The following DMD variants were observed in gnomAD, a reference collection of about 807,000 sequenced individuals.
DMD encodes dystrophin, also known as mutant dystrophin.
In DMD, 63 loss-of-function variants were observed where a neutral mutation model predicts 330.1. The observed-to-expected ratio is 0.19, with a 90% CI of 0.16 to 0.24. The LOEUF (loss-of-function observed/expected upper bound fraction) is 0.24, where lower values mean the gene tolerates loss of function less well. DMD is among the 10% of genes least tolerant of loss of function. The pLI is 1.00. For synonymous variants in DMD, 1,223 were observed against 959.8 expected, an observed-to-expected ratio of 1.27 and a Z score of -5.07; for missense variants, 3,344 against 2,684.1, an observed-to-expected ratio of 1.25 and a Z score of -5.43.
chrX:32,065,413 T>C (rs2147728185), intron 44 of DMD, among the ~76,000 whole-genome samples: 1 of 111,802 alleles, frequency 8.9e-6, no homozygotes, highest in South Asian at 3.7e-4. Flanking sequence ...TTGAAACTAG[T>C]TCAAGTCTAC....
At chrX:32,877,515 G>A (rs1045307818) in intron 2 of DMD, among the ~76,000 whole-genome samples, 1 of 112,050 alleles carries the variant, frequency 8.9e-6, no homozygotes, top group Admixed American at 9.4e-5. Flanking sequence ...TTGGGTCCAC[G>A]TAATCTTCTG....
intron 53 of DMD, among the ~76,000 whole-genome samples, chrX:31,659,678 T>G (rs1383134194): frequency 1.2e-5 from 1 of 81,897 alleles, no homozygotes; most frequent in Non-Finnish European, 2.4e-5. Context: ...AGAGAAACAA[T>G]GTCGATGTTT....
intron 59 of DMD, among the ~76,000 whole-genome samples, chrX:31,469,596 C>T (rs964095615): frequency 1.8e-5 from 2 of 111,708 alleles, no homozygotes; most frequent in African/African-American, 3.3e-5. Context: ...TCTGGCTGCC[C>T]TTAACATTTT....
At chrX:33,136,084 G>A (rs766925087) in intron 1 of DMD, among the ~76,000 whole-genome samples, 1 of 110,729 alleles carries the variant, frequency 9.0e-6, no homozygotes, top group South Asian at 3.8e-4. Context: ...GAAGGCCAAG[G>A]CCAGAGGGGT....
At chrX:32,949,747 A>G (rs776008865) in intron 2 of DMD, among the ~76,000 whole-genome samples, 2 of 111,695 alleles carry the variant, frequency 1.8e-5, no homozygotes, top group East Asian at 5.6e-4. Context: ...ATGTATTCTT[A>G]ACAAGCTTTG....
At chrX:31,320,125 G>GT (rs770787542) in intron 62 of DMD, among the ~76,000 whole-genome samples, 128 of 112,323 alleles carry the variant, frequency 1.1e-3, no homozygotes, top group Middle Eastern at 4.6e-3. Flanking sequence ...TATGAAAACT[G>GT]TAACAATGAT....
intron 22 of DMD, among the ~76,000 whole-genome samples, chrX:32,470,187 T>C (rs2040474478): frequency 9.0e-6 from 1 of 111,020 alleles, no homozygotes; most frequent in Admixed American, 9.7e-5. Flanking sequence ...TATTCATATA[T>C]GTCTCTTTTT....
At chrX:32,763,422 C>T (rs1003384028) in intron 7 of DMD, among the ~76,000 whole-genome samples, 29 of 111,486 alleles carry the variant, frequency 2.6e-4, no homozygotes, top group African/African-American at 9.5e-4. Context: ...TAATGTATCA[C>T]GATAAACTGT....
intron 60 of DMD, among the ~76,000 whole-genome samples, chrX:31,357,279 A>C (rs1250519276): frequency 9.1e-6 from 1 of 110,323 alleles, no homozygotes; most frequent in Non-Finnish European, 1.9e-5. Flanking sequence ...TAATTACATA[A>C]TTATGCCTCC....
intron 51 of DMD, among the ~76,000 whole-genome samples, chrX:31,751,128 C>G (rs901694708): frequency 1.9e-5 from 2 of 107,616 alleles, no homozygotes; most frequent in African/African-American, 3.4e-5. Context: ...ACTTTCTTCA[C>G]AGAATTGGAA....
intron 34 of DMD, among the ~76,000 whole-genome samples, chrX:32,368,739 C>A (rs903185564): frequency 9.0e-6 from 1 of 111,509 alleles, no homozygotes; most frequent in East Asian, 2.8e-4. Flanking sequence ...GGCATTTCCT[C>A]CTTTTCAAAA....
chrX:32,143,904 CT>C (rs2096766223), intron 44 of DMD, among the ~76,000 whole-genome samples: 1 of 110,030 alleles, frequency 9.1e-6, no homozygotes, highest in South Asian at 3.9e-4. Flanking sequence ...CTGTCATTCA[CT>C]AACTGGTCAC....
chrX:33,002,365 C>T (rs921331203), intron 2 of DMD, among the ~76,000 whole-genome samples: 31 of 110,797 alleles, frequency 2.8e-4, no homozygotes, highest in African/African-American at 8.5e-4. Context: ...GGCTGAGCAG[C>T]GGCTCAAGTG....
chrX:31,451,257 C>T, intron 59 of DMD, among the ~76,000 whole-genome samples: 1 of 85,906 alleles, frequency 1.2e-5, no homozygotes, highest in African/African-American at 4.4e-5. Context: ...TTCCTTCCTT[C>T]CTTCCTTTCC....
intron 54 of DMD, among the ~76,000 whole-genome samples, chrX:31,634,820 G>A (rs560662280): frequency 1.5e-4 from 17 of 110,821 alleles, no homozygotes; most frequent in East Asian, 2.8e-4. Context: ...TGCATTACCC[G>A]TTTCATTTGA....
chrX:32,666,808 C>G (rs1390261738), intron 9 of DMD, among the ~76,000 whole-genome samples: 2 of 98,135 alleles, frequency 2.0e-5, no homozygotes, highest in Non-Finnish European at 4.0e-5. Flanking sequence ...ACCTGGGCAA[C>G]AGAGCAATAA....
At chrX:31,447,192 C>T (rs2065333918) in intron 59 of DMD, among the ~76,000 whole-genome samples, 1 of 110,043 alleles carries the variant, frequency 9.1e-6, no homozygotes, top group Admixed American at 9.7e-5. Context: ...CAATGCTCTC[C>T]CTTTTCCTCT....
Position 31,923,963 on chromosome X carries a change from C to T in DMD, c.6912+5633G>A, listed in dbSNP as rs1215938067. ...ATTAAAAACTGTGTGAACTGTGTTA[C>T]AAATACACTTCAAGGGAGAAAATCA... On this transcript the variant is annotated intron_variant, in intron 47 of 78. Transcript: ENST00000357033. Among the ~76,000 whole-genome samples, 3 of 112,086 alleles carry T rather than the reference C, an allele frequency of 2.7e-5. No homozygotes were observed. In the Admixed American group the frequency reaches 2.8e-4, roughly 11 times the overall value.
chrX:31,630,319 T>C (rs192301486), intron 54 of DMD, among the ~76,000 whole-genome samples: 2 of 112,174 alleles, frequency 1.8e-5, no homozygotes, highest in Admixed American at 9.5e-5. Flanking sequence ...GTCTGAAATA[T>C]TGACAACATC....
Sources: allele counts gnomAD v4.1 joint callset (sites outside exome capture counted in the v4.1 genomes callset), GRCh38; gene constraint gnomAD v4.1.1; transcripts MANE v1.5; gene names NCBI Gene and HGNC (gene_info 2026-07-23, HGNC 2026-07-21).